The following KIF11 variants were observed in gnomAD, a reference collection of about 807,000 sequenced individuals.
The protein encoded by KIF11 is kinesin family member 11, also known as kinesin-like protein KIF11.
KIF11 carries 9 observed loss-of-function variants against 121.0 expected under a neutral mutation model. The observed-to-expected ratio is 0.07, with a 90% CI of 0.04 to 0.13. KIF11 has a LOEUF of 0.13. KIF11 is among the 10% of genes least tolerant of loss of function. The pLI is 1.00. For synonymous variants in KIF11, 408 were observed against 421.0 expected (o/e 0.97, Z 0.38); for missense variants, 846 against 1,217.5 (o/e 0.69, Z 4.54).
At chr10:92,596,098 G>C (rs1159394629) in intron 1 of KIF11, among the ~76,000 whole-genome samples, 1 of 152,102 alleles carries the variant, frequency 6.6e-6, no homozygotes, top group Non-Finnish European at 1.5e-5. Flanking sequence ...CCATCTCCCG[G>C]GTTCACGCCA....
Position 92,645,520 on chromosome 10 carries a change from G to C in KIF11, c.2425G>C (p.Glu809Gln). The change falls in exon 18 of 22, where the codon GAA becomes CAA. Residue 809 changes from glutamate (E) to glutamine (Q), a missense_variant. By Grantham distance (29) the Glu-to-Gln change is conservative (BLOSUM62 2). Transcript: ENST00000260731. ...CTCTGATAAACTCAATGGCAACCTG[G>C]AAAAAATATCTCAAGAGACTGAACA... ...KHSDKLNGNL[E>Q]KISQETEQRC... is the part of the protein sequence containing the mutation. 6.2e-7 allele frequency: 1 copy of C among 1,613,870 alleles called. No homozygotes were observed. Among genetic ancestry groups the C allele is most frequent in the Non-Finnish European group, 8.5e-7 (1 of 1,179,884 alleles).
At chr10:92,606,160 T>G in intron 1 of KIF11, 105 bp from the exon 2 acceptor site, 1 of 990,464 alleles carries the variant, frequency 1.0e-6, no homozygotes, top group Non-Finnish European at 1.4e-6. Context: ...ACCAACAATG[T>G]GGTCAAAATT....
chr10:92,634,109 G>A (rs1039307208), intron 14 of KIF11, among the ~76,000 whole-genome samples: 2 of 151,740 alleles, frequency 1.3e-5, no homozygotes, highest in African/African-American at 2.4e-5. Flanking sequence ...TTAGCCTCCC[G>A]AGTAGCTGGG....
chr10:92,596,040 T>C (rs963390447), intron 1 of KIF11, among the ~76,000 whole-genome samples: 11 of 152,188 alleles, frequency 7.2e-5, no homozygotes, highest in African/African-American at 2.2e-4. Flanking sequence ...CTCGCTCTGT[T>C]GCCCAGGCTG....
intron 21 of KIF11, among the ~76,000 whole-genome samples, chr10:92,651,502 ATTTTGTTTTTTTTTTTTTTTTTTT>A (rs1844979915): frequency 4.6e-5 from 1 of 21,554 alleles, no homozygotes; most frequent in Non-Finnish European, 8.1e-5. Flanking sequence ...TGCCTGGCTA[ATTTTGTTTTTTTTTTTTTTTTTTT>A]TTTTTTTTTT....
intron 15 of KIF11, 37 bp from the exon 16 acceptor site, chr10:92,637,350 T>C (rs368079934): frequency 1.7e-5 from 27 of 1,579,182 alleles, no homozygotes; most frequent in Non-Finnish European, 2.3e-5. Flanking sequence ...AATTGATGTG[T>C]TGTTTAAGAA....
rs2135905059 is a variant in KIF11, at chr10:92,613,466, G to A, written c.879G>A (p.Leu293=). The change falls in exon 8 of 22, where the codon TTG becomes TTA. Residue 293 remains leucine, a synonymous_variant. Coordinates refer to ENST00000260731, the MANE Select transcript of KIF11 (RefSeq NM_004523.4). The surrounding 1 kb of genome is among the most constrained non-coding windows in gnomAD (Gnocchi z 4.2). ...CTGGAAATATAAATCAATCCCTGTT[G>A]ACTTTGGGAAGGGTCATTACTGCCC... The part of the protein sequence containing the change: ...REAGNINQSL[L]TLGRVITALV... The A allele has an allele frequency of 6.2e-7, 1 of 1,612,950 alleles. No individual in the cohort carries two copies.
chr10:92,624,653 A>C (rs1431908475), intron 10 of KIF11, among the ~76,000 whole-genome samples: 3 of 152,192 alleles, frequency 2.0e-5, no homozygotes, highest in Non-Finnish European at 4.4e-5. Flanking sequence ...TGCTGCTGTG[A>C]ATAGTGCTAT....
At chr10:92,618,663 AAAG>A (rs969147742) in intron 9 of KIF11, among the ~76,000 whole-genome samples, 7 of 151,990 alleles carry the variant, frequency 4.6e-5, no homozygotes, top group African/African-American at 1.7e-4. Context: ...AAAAAGAAAA[AAAG>A]TAATAATACA....
intron 17 of KIF11, among the ~76,000 whole-genome samples, chr10:92,645,147 A>G (rs766019030): frequency 1.3e-5 from 2 of 152,212 alleles, no homozygotes; most frequent in Non-Finnish European, 2.9e-5. Context: ...TCATGAGCAA[A>G]GATGATCCTT....
intron 1 of KIF11, among the ~76,000 whole-genome samples, chr10:92,598,465 T>C (rs1206254083): frequency 6.6e-6 from 1 of 152,228 alleles, no homozygotes; most frequent in Non-Finnish European, 1.5e-5. Context: ...TCTGTCTTTA[T>C]GTCAGTACCA....
rs1844463325 is a variant in KIF11, at chr10:92,609,150, A to G, written c.518A>G (p.Asn173Ser). ...IYNEELFDLLNPSSDVSERLQ... is the reference protein window; with the variant it reads ...IYNEELFDLLSPSSDVSERLQ... ...AATGAAGAGCTTTTTGATCTTCTTA[A>G]TCCATCATCTGATGTTTCTGAGAGA... is the stretch of plus-strand genomic sequence containing the variant. The change falls in exon 5 of 22, where the codon AAT becomes AGT. Residue 173 changes from asparagine (N) to serine (S), a missense_variant. By Grantham distance (46) the Asn-to-Ser change is conservative. Transcript: ENST00000260731. 6.2e-7 allele frequency: 1 copy of G among 1,600,204 alleles called. No homozygotes were observed. The highest frequency in any genetic ancestry group is 1.3e-5 in the African/African-American group (1 of 74,420).
At position 92,602,825 on chromosome 10, in the gene KIF11, CGTGT is replaced by C. The variant is rs3980475; in HGVS notation, c.78-3412_78-3409del. 7.2e-3 allele frequency among the ~76,000 whole-genome samples: 881 copies of C among 122,412 alleles called. 3 individuals are homozygous for C. The highest frequency in any genetic ancestry group is 0.024 in the Middle Eastern group (6 of 248). 80.3% of individuals were successfully genotyped at this position (122,412 alleles called of 152,430 possible). A position where few individuals can be genotyped will look rare whatever the true frequency, so the allele number is the denominator to read the frequency against. On this transcript the variant is annotated intron_variant, in intron 1 of 21. Transcript: ENST00000260731. The stretch of plus-strand genomic sequence containing the variant: ...TTACTTAAACACACACACACACACA[CGTGT>C]GTGTGTGTGTGTGTGTGTGTGTGTG...
At chr10:92,608,892 T>C in intron 4 of KIF11, 128 bp from the exon 5 acceptor site, 8 of 542,082 alleles carry the variant, frequency 1.5e-5, no homozygotes, top group Non-Finnish European at 2.5e-5. Context: ...TAGTTGTTTC[T>C]TTTTTTGTTT....
intron 1 of KIF11, chr10:92,597,068 C>G (rs1844304721): frequency 2.7e-6 from 1 of 374,198 alleles, no homozygotes; most frequent in African/African-American, 2.1e-5. Flanking sequence ...AGAAGTTGTT[C>G]TTTCTTGATT....
chr10:92,596,822 A>C (rs1386306057), intron 1 of KIF11: 1 of 160,602 alleles, frequency 6.2e-6, no homozygotes, highest in Non-Finnish European at 1.4e-5. Flanking sequence ...CTTTTTACTC[A>C]TTGATACCGT....
At chr10:92,640,739 T>G (rs1844856171) in intron 17 of KIF11, among the ~76,000 whole-genome samples, 1 of 149,426 alleles carries the variant, frequency 6.7e-6, no homozygotes, top group Non-Finnish European at 1.5e-5. Context: ...TCTGTTTTGT[T>G]TTTTCAGACA....
intron 6 of KIF11, among the ~76,000 whole-genome samples, chr10:92,611,314 G>A (rs1280743097): frequency 1.3e-5 from 2 of 151,862 alleles, no homozygotes; most frequent in South Asian, 2.1e-4. Flanking sequence ...CCGGGTTCAC[G>A]CCATTCTCCT....
chr10:92,626,406 T>A (rs1023695967), intron 10 of KIF11, among the ~76,000 whole-genome samples: 1 of 152,130 alleles, frequency 6.6e-6, no homozygotes, highest in East Asian at 1.9e-4. Context: ...TATACAGAAA[T>A]CAACTCAAGA....
Sources: gnomAD v4.1 joint callset for allele counts (sites outside exome capture counted in the v4.1 genomes callset) on GRCh38, gnomAD v4.1.1 for gene constraint, Gnocchi (gnomAD v3.1) non-coding constraint, MANE v1.5 for transcripts, NCBI Gene and HGNC (gene_info 2026-07-23, HGNC 2026-07-21) for gene names.